Variants in DDX18 observed in about 807,000 individuals in gnomAD.
DDX18 encodes the protein ATP-dependent RNA helicase DDX18.
In DDX18, 23 loss-of-function variants were observed where a neutral mutation model predicts 73.5. That is an observed-to-expected ratio of 0.31 (90% CI 0.23 to 0.44). The LOEUF (loss-of-function observed/expected upper bound fraction) is 0.44. Among genes scored for constraint, DDX18 ranks in the 20% least tolerant of loss-of-function variants. The probability of loss-of-function intolerance (pLI) is 1.00; values close to 1 mark genes in which losing one functional copy is unlikely to be tolerated. For synonymous variants in DDX18, 268 were observed against 282.7 expected (o/e 0.95, Z 0.52); for missense variants, 753 against 792.9 (o/e 0.95, Z 0.60).
intron 8 of DDX18, 23 bp from the exon 9 acceptor site, chr2:117,824,917 C>T: frequency 1.9e-6 from 3 of 1,585,820 alleles, no homozygotes; most frequent in Non-Finnish European, 2.6e-6. Context: ...TCATTTGTAT[C>T]TGTCTGCTTA....
rs1242972487 is a variant in DDX18, at chr2:117,824,959, C to G, written c.1226C>G (p.Ser409Cys). 1.9e-6 allele frequency: 3 copies of G among 1,610,692 alleles called. No homozygotes were observed. Among genetic ancestry groups the G allele is most frequent in the Non-Finnish European group, 2.5e-6 (3 of 1,179,184 alleles). Residue 409 changes from serine to cysteine, a missense_variant, in exon 9 of 14, where the codon TCT becomes TGT. This residue lies in a region of DDX18 where 402 missense variants were observed against 419.4 expected (regional missense o/e 0.96). Transcript: ENST00000263239. ...GLEQGYVVCP[S>C]EKRFLLLFTF... ...TTCTAGGGATATGTTGTTTGTCCTTCTGAAAAGAGATTCCTTCTGCTCTTT... is the reference window on the plus strand; with the variant it reads ...TTCTAGGGATATGTTGTTTGTCCTTGTGAAAAGAGATTCCTTCTGCTCTTT...
rs1679848535 is a variant in DDX18, at chr2:117,821,634, C to T, written c.651-16C>T. ...GTAGGCTAAATGTCTTTCTCCTTTC[C>T]CTTTTTAATATTTAGGGATCTTCTA... On this transcript the variant is annotated splice_polypyrimidine_tract_variant and intron_variant, in intron 4 of 13. Transcript: ENST00000263239. 1.9e-6 allele frequency: 3 copies of T among 1,613,516 alleles called. No individual in the cohort carries two copies. In the African/African-American group the frequency reaches 4.0e-5, roughly 22 times the overall value.
intron 13 of DDX18, 35 bp from the exon 14 acceptor site, chr2:117,830,547 C>G (rs753612291): frequency 6.3e-7 from 1 of 1,598,922 alleles, no homozygotes; most frequent in Admixed American, 1.8e-5. Flanking sequence ...AGTTCATTAT[C>G]TTTTTTGCTT....
At position 117,831,852 on chromosome 2, in the gene DDX18, G is replaced by GAT. The variant is rs1558736141; in HGVS notation, c.*1130_*1131dup. The GAT allele has an allele frequency of 6.6e-6, 1 of 152,214 alleles. No homozygotes were observed. The highest frequency in any genetic ancestry group is 1.5e-5 in the Non-Finnish European group (1 of 68,042). The allele number at this position is 152,214 out of a possible 1,614,324, so 9.4% of individuals were successfully genotyped here. A position where few individuals can be genotyped will look rare whatever the true frequency, so the allele number is the denominator to read the frequency against. On this transcript the variant is annotated 3_prime_UTR_variant, in exon 14 of 14. Coordinates refer to ENST00000263239, the MANE Select transcript of DDX18 (RefSeq NM_006773.4). ...TGTTTTGTACAGTATATAACTACAA[G>GAT]ATAGTACATTTTGTAGCAGTTCAAA... is the stretch of plus-strand genomic sequence containing the variant.
At position 117,814,824 on chromosome 2, in the gene DDX18, G is replaced by T. The variant is rs376029515; in HGVS notation, c.47G>T (p.Arg16Leu). 23 of 1,614,116 alleles carry T rather than the reference G, an allele frequency of 1.4e-5. No homozygotes were observed. Among genetic ancestry groups the T allele is most frequent in the Non-Finnish European group, 1.9e-5 (23 of 1,180,050 alleles). The change falls in exon 1 of 14, where the codon CGG becomes CTG. Residue 16 changes from arginine (R) to leucine (L), a missense_variant. By Grantham distance (102) the Arg-to-Leu change is moderately radical. This residue lies in a region of DDX18 where 345 missense variants were observed against 352.0 expected (regional missense o/e 0.98). Transcript: ENST00000263239. ...MKLLRKKIEK[R>L]NLKLRQRNLK... ...CTCCTGCGTAAGAAGATCGAGAAGC[G>T]GAACCTCAAATTGCGGCAGCGGAAC...
chr2:117,816,338 A>G (rs1679756770), intron 1 of DDX18, among the ~76,000 whole-genome samples: 1 of 152,244 alleles, frequency 6.6e-6, no homozygotes, highest in Admixed American at 6.5e-5. Flanking sequence ...AATAACACTT[A>G]GCTTACAACA....
intron 1 of DDX18, 148 bp downstream of exon 1, chr2:117,815,010 T>A: frequency 2.7e-6 from 2 of 742,602 alleles, no homozygotes; most frequent in Non-Finnish European, 4.5e-6. Context: ...CAGCTTCCAC[T>A]CGGGACCCGC....
intron 1 of DDX18, chr2:117,815,177 C>T (rs901125554): frequency 3.1e-6 from 1 of 327,812 alleles, no homozygotes; most frequent in East Asian, 6.2e-5. Flanking sequence ...TTGGTTCCCT[C>T]ACCACCTGCA....
At chr2:117,829,533 G>A in intron 13 of DDX18, 67 bp downstream of exon 13, 2 of 1,463,242 alleles carry the variant, frequency 1.4e-6, no homozygotes, top group Non-Finnish European at 1.9e-6. Context: ...GGGCATTTGG[G>A]GCTTTGCAGT....
Position 117,824,639 on chromosome 2 carries a change from GA to G in DDX18, c.1142del (p.Lys381ArgfsTer58). The G allele has an allele frequency of 4.0e-6, 6 of 1,501,270 alleles. No homozygotes were observed. Among genetic ancestry groups the G allele is most frequent in the South Asian group, 1.4e-5 (1 of 70,378 alleles). The allele number at this position is 1,501,270 out of a possible 1,614,324, so 93.0% of individuals were successfully genotyped here. On this transcript the variant is annotated frameshift_variant, in exon 8 of 14. Transcript: ENST00000263239. LOFTEE classifies it high-confidence loss of function. ...TTGAAGACCTGGCAAGGATTTCTCT[GA>G]AAAAGGAGCCATTGTATGTTGGCGT... is the stretch of plus-strand genomic sequence containing the variant. ...KVEDLARISL[K>X]KEPLYVGVDD...
intron 10 of DDX18, chr2:117,826,034 CTTTTTTT>C (rs59119058): frequency 1.1e-4 from 10 of 94,074 alleles, no homozygotes; most frequent in South Asian, 1.9e-4. Flanking sequence ...CATGTCCAGC[CTTTTTTT>C]TTTTTTTTTT....
At position 117,831,664 on chromosome 2, in the gene DDX18, T is replaced by C. The variant is rs1431453189; in HGVS notation, c.*940T>C. 2 of 152,136 alleles carry C rather than the reference T, an allele frequency of 1.3e-5. No individual in the cohort carries two copies. Among genetic ancestry groups the C allele is most frequent in the African/African-American group, 4.8e-5 (2 of 41,414 alleles). The allele number at this position is 152,136 out of a possible 1,614,324, so 9.4% of individuals were successfully genotyped here. A position where few individuals can be genotyped will look rare whatever the true frequency, so the allele number is the denominator to read the frequency against. On this transcript the variant is annotated 3_prime_UTR_variant, in exon 14 of 14. Coordinates refer to ENST00000263239, the MANE Select transcript of DDX18 (RefSeq NM_006773.4). Reference sequence around the variant, plus strand: ...CTGTCAGACGGTGCCCAGCACACATTAATGTTAGCTTCTTTCTGAGAAAAA... The same window carrying C: ...CTGTCAGACGGTGCCCAGCACACATCAATGTTAGCTTCTTTCTGAGAAAAA...
At chr2:117,826,034 C>CTTT (rs59119058) in intron 10 of DDX18, 1,954 of 97,304 alleles carry the variant, frequency 0.02, 627 homozygotes, top group East Asian at 0.037. Flanking sequence ...CATGTCCAGC[C>CTTT]TTTTTTTTTT....
intron 1 of DDX18, 41 bp from the exon 2 acceptor site, chr2:117,817,401 TTC>T (rs1679776719): frequency 6.6e-7 from 1 of 1,515,436 alleles, no homozygotes; most frequent in African/African-American, 1.4e-5. Context: ...CTAAGTAAAC[TTC>T]TCCTTCTTTG....
In DDX18 at chr2:117,832,121, T is replaced by C. The variant is rs963568963; in HGVS notation, c.*1397T>C. 6.6e-6 allele frequency: 1 copy of C among 152,232 alleles called. No individual in the cohort carries two copies. The highest frequency in any genetic ancestry group is 2.4e-5 in the African/African-American group (1 of 41,436). 9.4% of individuals were successfully genotyped at this position (152,232 alleles called of 1,614,324 possible). A position where few individuals can be genotyped will look rare whatever the true frequency, so the allele number is the denominator to read the frequency against. ...GTTCCTAATTCCTGGTGTTTAATAA[T>C]TCTCTCCACGATCATGTTTTTCTGA... is the stretch of plus-strand genomic sequence containing the variant. On this transcript the variant is annotated 3_prime_UTR_variant, in exon 14 of 14. Transcript: ENST00000263239.
intron 11 of DDX18, chr2:117,827,567 TGTGA>T (rs1424647250): frequency 7.0e-6 from 1 of 143,620 alleles, no homozygotes; most frequent in Non-Finnish European, 1.5e-5. Context: ...ATTTCCCACC[TGTGA>T]GTGAGAACAT....
At chr2:117,826,475 C>G in intron 11 of DDX18, 93 bp downstream of exon 11, 1 of 1,179,112 alleles carries the variant, frequency 8.5e-7, no homozygotes. Context: ...TCGAGTCTGG[C>G]CAGTGCTGTT....
At chr2:117,814,943 T>C in intron 1 of DDX18, 81 bp downstream of exon 1, 9 of 1,415,636 alleles carry the variant, frequency 6.4e-6, no homozygotes, top group South Asian at 3.5e-5. Context: ...GCCCAGCTGC[T>C]CTGTGTGACG....
rs1309897011 is a variant in DDX18 at position 117,821,216 on chromosome 2, T to C, written c.570T>C (p.Thr190=). 1 of 1,611,552 alleles carries C rather than the reference T, an allele frequency of 6.2e-7. No homozygotes were observed. Among genetic ancestry groups the C allele is most frequent in the Middle Eastern group, 1.7e-4 (1 of 6,002 alleles). Reference sequence around the variant, plus strand: ...TATGTAATCTTGTCAATGAAAACACTCTGAAGGCAATAAAAGAAATGGGTT... The same window carrying C: ...TATGTAATCTTGTCAATGAAAACACCCTGAAGGCAATAAAAGAAATGGGTT... ...ASLCNLVNEN[T]LKAIKEMGFT... Residue 190 remains threonine, a synonymous_variant, in exon 4 of 14, where the codon ACT becomes ACC. Coordinates refer to ENST00000263239, the MANE Select transcript of DDX18 (RefSeq NM_006773.4).
Sources: allele counts gnomAD v4.1 joint callset (sites outside exome capture counted in the v4.1 genomes callset), GRCh38; gene constraint gnomAD v4.1.1; regional missense constraint gnomAD v4.1.1; transcripts MANE v1.5; gene names NCBI Gene and HGNC (gene_info 2026-07-23, HGNC 2026-07-21).